The following CSMD1 variants were observed in gnomAD, a reference collection of about 807,000 sequenced individuals.
CSMD1 encodes the protein CUB and sushi domain-containing protein 1.
In CSMD1, 213 loss-of-function variants were observed where a neutral mutation model predicts 417.5. The observed-to-expected ratio is 0.51, with a 90% CI of 0.46 to 0.57. The LOEUF is 0.57. CSMD1 is among the 20% of genes least tolerant of loss of function. The pLI is 0.00. For missense variants in CSMD1, 6,923 were observed against 4,529.7 expected (o/e 1.53, Z -15.17); for synonymous variants, 2,862 against 1,736.8 (o/e 1.65, Z -16.11).
intron 5 of CSMD1, among the ~76,000 whole-genome samples, chr8:3,832,269 T>C (rs1802421649): frequency 6.6e-6 from 1 of 152,190 alleles, no homozygotes; most frequent in Non-Finnish European, 1.5e-5. Context: ...ATTTCCCTTA[T>C]TCCTGAGTAC....
At chr8:4,394,496 G>C (rs1804070221) in intron 3 of CSMD1, among the ~76,000 whole-genome samples, 3 of 152,144 alleles carry the variant, frequency 2.0e-5, no homozygotes, top group Non-Finnish European at 4.4e-5. Context: ...AAATACCTCT[G>C]GGTGTGAATG....
intron 1 of CSMD1, among the ~76,000 whole-genome samples, chr8:4,838,865 AG>A (rs1800667201): frequency 6.6e-6 from 1 of 152,200 alleles, no homozygotes; most frequent in Non-Finnish European, 1.5e-5. Context: ...CTCTATCTCC[AG>A]TAGCAATCTT....
chr8:4,224,961 A>G (rs1801259384), intron 3 of CSMD1, among the ~76,000 whole-genome samples: 1 of 152,188 alleles, frequency 6.6e-6, no homozygotes, highest in African/African-American at 2.4e-5. Context: ...AATTAAAAAA[A>G]ATTAGTTGGG....
intron 5 of CSMD1, among the ~76,000 whole-genome samples, chr8:3,858,930 G>A (rs772706932): frequency 2.0e-5 from 3 of 152,184 alleles, no homozygotes; most frequent in South Asian, 2.1e-4. Flanking sequence ...CGAGTTGGTT[G>A]AAGTCAGTTT....
At chr8:4,116,363 C>T (rs1235775034) in intron 3 of CSMD1, among the ~76,000 whole-genome samples, 1 of 152,170 alleles carries the variant, frequency 6.6e-6, no homozygotes, top group Non-Finnish European at 1.5e-5. Context: ...TGTCATTATA[C>T]ACTTGTCCAA....
At chr8:3,341,168 C>T (rs35317155) in intron 23 of CSMD1, among the ~76,000 whole-genome samples, 26,084 of 151,990 alleles carry the variant, frequency 0.17, 2,729 homozygotes, top group South Asian at 0.25. Context: ...TGAGCCTCGC[C>T]CACTGACGCA....
At chr8:3,226,055 C>T (rs139901894) in intron 27 of CSMD1, among the ~76,000 whole-genome samples, 219 of 152,266 alleles carry the variant, frequency 1.4e-3, no homozygotes, top group East Asian at 3.3e-3. Flanking sequence ...TGGTCTTTAA[C>T]GAGACCCATC....
At chr8:3,927,480 C>G (rs1245201598) in intron 5 of CSMD1, among the ~76,000 whole-genome samples, 1 of 151,850 alleles carries the variant, frequency 6.6e-6, no homozygotes. Flanking sequence ...CCCTGGCCAA[C>G]ATGGTGAGAC....
chr8:4,775,521 G>C (rs542468943), intron 1 of CSMD1, among the ~76,000 whole-genome samples: 1 of 152,142 alleles, frequency 6.6e-6, no homozygotes, highest in South Asian at 2.1e-4. Context: ...AGAATTCAGG[G>C]GTTCCTATCA....
intron 3 of CSMD1, among the ~76,000 whole-genome samples, chr8:4,046,822 G>A (rs761562862): frequency 1.3e-5 from 2 of 152,044 alleles, no homozygotes; most frequent in Non-Finnish European, 2.9e-5. Context: ...TGAACTCTAA[G>A]CGCCAGGCAC....
intron 3 of CSMD1, among the ~76,000 whole-genome samples, chr8:4,370,135 C>T (rs530287832): frequency 2.0e-5 from 3 of 152,042 alleles, no homozygotes; most frequent in Admixed American, 2.0e-4. Flanking sequence ...TAAGGCAGGT[C>T]GAGTTTCAAC....
chr8:3,587,657 G>A (rs1024829142), intron 8 of CSMD1, among the ~76,000 whole-genome samples: 9 of 152,108 alleles, frequency 5.9e-5, no homozygotes, highest in African/African-American at 2.2e-4. Context: ...GTCGGCAACA[G>A]CCATCAAATC....
At chr8:3,778,026 G>C (rs918018852) in intron 5 of CSMD1, among the ~76,000 whole-genome samples, 1 of 152,232 alleles carries the variant, frequency 6.6e-6, no homozygotes, top group Non-Finnish European at 1.5e-5. Context: ...AACTCTGGCT[G>C]TCTGGCTGTC....
intron 5 of CSMD1, among the ~76,000 whole-genome samples, chr8:3,966,455 A>G (rs1273403362): frequency 3.3e-5 from 5 of 152,118 alleles, no homozygotes; most frequent in Admixed American, 2.0e-4. Context: ...TATATTTTTT[A>G]TAGATATATG....
chr8:4,581,946 T>G (rs929383339), intron 2 of CSMD1, among the ~76,000 whole-genome samples: 1 of 152,036 alleles, frequency 6.6e-6, no homozygotes, highest in African/African-American at 2.4e-5. Flanking sequence ...AAAGAAAGAG[T>G]TGGGGCTAAG....
intron 3 of CSMD1, among the ~76,000 whole-genome samples, chr8:4,297,454 G>A (rs141692095): frequency 5.8e-4 from 89 of 152,260 alleles, no homozygotes; most frequent in African/African-American, 2.1e-3. Flanking sequence ...ATCAGTTGCT[G>A]GGCGTCCGCA....
intron 2 of CSMD1, among the ~76,000 whole-genome samples, chr8:4,448,174 C>A (rs773469080): frequency 2.0e-5 from 3 of 152,126 alleles, no homozygotes; most frequent in Non-Finnish European, 4.4e-5. Flanking sequence ...GAACATGTAA[C>A]CATAATGTCT....
chr8:3,998,235 A>G, intron 4 of CSMD1, 125 bp from the exon 5 acceptor site: 2 of 743,156 alleles, frequency 2.7e-6, no homozygotes, highest in South Asian at 1.9e-5. Context: ...GAGACACTCA[A>G]TCTGAAAAAG....
intron 5 of CSMD1, among the ~76,000 whole-genome samples, chr8:3,856,164 G>A (rs1804296847): frequency 6.6e-6 from 1 of 151,970 alleles, no homozygotes; most frequent in African/African-American, 2.4e-5. Context: ...GAGGTGGTTT[G>A]TAATGGTTTA....
Sources: allele counts gnomAD v4.1 joint callset (sites outside exome capture counted in the v4.1 genomes callset), GRCh38; gene constraint gnomAD v4.1.1; transcripts MANE v1.5; gene names NCBI Gene and HGNC (gene_info 2026-07-23, HGNC 2026-07-21).